NAV2: variants seen among roughly 807,000 people sequenced by gnomAD.
NAV2 encodes helicase, APC down-regulated 1.
NAV2 carries 54 observed loss-of-function variants against 223.2 expected under a neutral mutation model. The observed-to-expected ratio is 0.24, with a 90% CI of 0.19 to 0.30. The LOEUF is 0.30. Ranked by LOEUF, NAV2 falls within the 10% of genes least tolerant of loss-of-function variation. The pLI, the probability that NAV2 is intolerant of heterozygous loss-of-function variation, is 1.00. For synonymous variants in NAV2, 1,279 were observed against 1,239.3 expected, an observed-to-expected ratio of 1.03 and a Z score of -0.67; for missense variants, 2,806 against 3,147.5, an observed-to-expected ratio of 0.89 and a Z score of 2.60.
At chr11:20,020,349 C>G (rs748003196) in intron 11 of NAV2, among the ~76,000 whole-genome samples, 1 of 152,176 alleles carries the variant, frequency 6.6e-6, no homozygotes, top group Non-Finnish European at 1.5e-5. Context: ...GTTATGAGTT[C>G]TGGGAGCCCT....
chr11:19,708,166 A>T (rs2049728996), upstream of NAV2, among the ~76,000 whole-genome samples: 1 of 152,186 alleles, frequency 6.6e-6, no homozygotes, highest in Non-Finnish European at 1.5e-5. Flanking sequence ...TAGGGTGAGT[A>T]GATGAGCAGA....
intron 1 of NAV2, among the ~76,000 whole-genome samples, chr11:19,703,331 C>G (rs1052197284): frequency 6.6e-6 from 1 of 152,216 alleles, no homozygotes; most frequent in African/African-American, 2.4e-5. Context: ...CCAGCAGCAC[C>G]TCTTCCATCT....
chr11:19,449,878 TC>T (rs1479273867), intron 1 of NAV2, among the ~76,000 whole-genome samples: 1 of 118,482 alleles, frequency 8.4e-6, no homozygotes, highest in African/African-American at 3.3e-5. Flanking sequence ...TGCTCTGCCC[TC>T]CACCTGAAGA....
rs138034395 is a variant in NAV2 at position 19,450,249 on chromosome 11, G to A, written c.75+99222G>A. Among the ~76,000 whole-genome samples, 1,320 of 152,232 alleles carry A rather than the reference G, an allele frequency of 8.7e-3. 19 individuals are homozygous for A. Among genetic ancestry groups the A allele is most frequent in the African/African-American group, 0.03 (1,246 of 41,532 alleles). ...TCAACACCTAATTTCCCTGCACAGC[G>A]TATGATTTGACTCCTCAGTGGTGAC... On this transcript the variant is annotated intron_variant, in intron 1 of 37. Transcript: ENST00000360655.
At chr11:19,746,552 TG>T (rs1256454493) in intron 1 of NAV2, among the ~76,000 whole-genome samples, 1 of 152,176 alleles carries the variant, frequency 6.6e-6, no homozygotes, top group East Asian at 1.9e-4. Flanking sequence ...TAGAAGGGCA[TG>T]GAAGGAGGAT....
chr11:19,833,346 G>A (rs1022126501), intron 2 of NAV2, among the ~76,000 whole-genome samples: 3 of 152,234 alleles, frequency 2.0e-5, no homozygotes, highest in Non-Finnish European at 4.4e-5. Flanking sequence ...TCTCTGGCAT[G>A]TTGTTGTGGA....
chr11:19,775,095 G>C (rs2056048557), intron 1 of NAV2, among the ~76,000 whole-genome samples: 1 of 152,158 alleles, frequency 6.6e-6, no homozygotes, highest in African/African-American at 2.4e-5. Flanking sequence ...AAAAAGCTGT[G>C]ATAGAGATAT....
chr11:19,520,816 C>G (rs2043627719), intron 1 of NAV2, among the ~76,000 whole-genome samples: 1 of 152,214 alleles, frequency 6.6e-6, no homozygotes, highest in Non-Finnish European at 1.5e-5. Context: ...GGTCTCAGTC[C>G]CAAGCTGGCA....
At chr11:19,944,035 T>C (rs1352059240) in intron 8 of NAV2, among the ~76,000 whole-genome samples, 1 of 151,690 alleles carries the variant, frequency 6.6e-6, no homozygotes, top group Non-Finnish European at 1.5e-5. Context: ...CTGTATCTAC[T>C]AAAAACAAAA....
At chr11:19,915,627 A>G (rs1256035891) in intron 6 of NAV2, among the ~76,000 whole-genome samples, 2 of 152,158 alleles carry the variant, frequency 1.3e-5, no homozygotes, top group Non-Finnish European at 2.9e-5. Flanking sequence ...GTTTTAGGTT[A>G]GATTTTGTTT....
At chr11:19,451,380 A>G (rs1851785707) in intron 1 of NAV2, among the ~76,000 whole-genome samples, 1 of 152,084 alleles carries the variant, frequency 6.6e-6, no homozygotes, top group African/African-American at 2.4e-5. Context: ...ATCTCACCCT[A>G]ATAGATTCAT....
chr11:19,349,935 C>T (rs989299244), upstream of NAV2, among the ~76,000 whole-genome samples: 3 of 152,116 alleles, frequency 2.0e-5, no homozygotes, highest in Non-Finnish European at 2.9e-5. Flanking sequence ...GAGACAATCT[C>T]GGCTGCTCTT....
At chr11:20,081,049 T>G (rs563431212) in intron 25 of NAV2, among the ~76,000 whole-genome samples, 1 of 152,368 alleles carries the variant, frequency 6.6e-6, no homozygotes, top group African/African-American at 2.4e-5. Context: ...CCTGTTTCAC[T>G]AGTAGCTTCA....
chr11:19,798,519 G>A (rs1181229013), intron 1 of NAV2, among the ~76,000 whole-genome samples: 3 of 152,170 alleles, frequency 2.0e-5, no homozygotes, highest in Non-Finnish European at 4.4e-5. Flanking sequence ...TGAAGATGAC[G>A]AGAAATGACA....
At chr11:19,350,085 C>CTGGTGATGA (rs1554903820), upstream of NAV2, among the ~76,000 whole-genome samples, 1 of 149,624 alleles carries the variant, frequency 6.7e-6, no homozygotes, top group Non-Finnish European at 1.5e-5. Flanking sequence ...CCTTATTCCT[C>CTGGTGATGA]TGATGATGAT....
rs11824741 is a variant in NAV2, at chr11:19,484,325, A to T, written c.75+133298A>T. Among the ~76,000 whole-genome samples, 962 of 152,334 alleles carry T rather than the reference A, an allele frequency of 6.3e-3. 16 individuals carry two copies. Among genetic ancestry groups the T allele is most frequent in the African/African-American group, 0.022 (906 of 41,578 alleles). ...ATACTGGTTCAATTGTTTCTTATAC[A>T]TCTCTGATGACAGGGAGGTCACCTC... is the stretch of plus-strand genomic sequence containing the variant. On this transcript the variant is annotated intron_variant, in intron 1 of 37. Coordinates refer to the NAV2 transcript ENST00000360655.
chr11:19,973,656 C>T (rs193225382), intron 10 of NAV2, among the ~76,000 whole-genome samples: 8 of 152,102 alleles, frequency 5.3e-5, no homozygotes, highest in African/African-American at 1.7e-4. Flanking sequence ...TGAGCCACTG[C>T]GGAATTGGTT....
At chr11:19,404,580 G>A (rs1350928926) in intron 1 of NAV2, among the ~76,000 whole-genome samples, 1 of 151,756 alleles carries the variant, frequency 6.6e-6, no homozygotes, top group Non-Finnish European at 1.5e-5. Context: ...TGAATAGTGA[G>A]TCTTTTTTTT....
At chr11:19,449,338 A>G (rs999058354) in intron 1 of NAV2, among the ~76,000 whole-genome samples, 1 of 151,724 alleles carries the variant, frequency 6.6e-6, no homozygotes, top group Non-Finnish European at 1.5e-5. Flanking sequence ...CGGAGTTTGC[A>G]GTGAGCTGAG....
Sources: gnomAD v4.1 joint callset for allele counts (sites outside exome capture counted in the v4.1 genomes callset) on GRCh38, gnomAD v4.1.1 for gene constraint, MANE v1.5 for transcripts, NCBI Gene and HGNC (gene_info 2026-07-23, HGNC 2026-07-21) for gene names.